The following COL25A1 variants were observed in gnomAD, a reference collection of about 807,000 sequenced individuals.
COL25A1 encodes collagen type XXV alpha 1 chain.
In COL25A1, 103 loss-of-function variants were observed where a neutral mutation model predicts 128.4. That is an observed-to-expected ratio of 0.80 (90% CI 0.68 to 0.94). The LOEUF (loss-of-function observed/expected upper bound fraction) is 0.94. Among genes scored for constraint, COL25A1 ranks in the 40% least tolerant of loss-of-function variants. COL25A1 has a pLI of 0.00. For synonymous variants in COL25A1, 279 were observed against 277.2 expected, an observed-to-expected ratio of 1.01 and a Z score of -0.06; for missense variants, 745 against 840.0, an observed-to-expected ratio of 0.89 and a Z score of 1.40.
chr4:109,104,114 T>C (rs1315145243), intron 3 of COL25A1, among the ~76,000 whole-genome samples: 1 of 152,158 alleles, frequency 6.6e-6, no homozygotes, highest in African/African-American at 2.4e-5. Flanking sequence ...AGCTCATGCT[T>C]GTAATTGCAA....
intron 3 of COL25A1, among the ~76,000 whole-genome samples, chr4:109,093,460 A>AAAAACAAAC (rs1553930997): frequency 2.8e-5 from 4 of 141,348 alleles, no homozygotes; most frequent in African/African-American, 8.8e-5. Context: ...TCTCTATGAA[A>AAAAACAAAC]AAAAAAAAAA....
At chr4:109,086,173 T>G (rs543393530) in intron 3 of COL25A1, among the ~76,000 whole-genome samples, 5 of 152,338 alleles carry the variant, frequency 3.3e-5, no homozygotes, top group African/African-American at 1.2e-4. Flanking sequence ...GAGTGTCACC[T>G]ATCAGAGTCA....
chr4:108,945,389 T>C (rs893190549), intron 8 of COL25A1, among the ~76,000 whole-genome samples: 2 of 152,186 alleles, frequency 1.3e-5, no homozygotes, highest in African/African-American at 4.8e-5. Flanking sequence ...AGTACAGGTG[T>C]TGACACCTTA....
intron 13 of COL25A1, among the ~76,000 whole-genome samples, chr4:108,912,463 CACTT>C (rs1560850552): frequency 2.0e-5 from 3 of 152,124 alleles, no homozygotes; most frequent in Non-Finnish European, 1.5e-5. Flanking sequence ...ATCAATCAAT[CACTT>C]AATTTAGTCT....
intron 5 of COL25A1, among the ~76,000 whole-genome samples, chr4:109,017,414 G>A (rs1526138): frequency 6.6e-6 from 1 of 152,194 alleles, no homozygotes; most frequent in East Asian, 1.9e-4. Flanking sequence ...AAGCAAAGGT[G>A]CCACTGGCCA....
rs1733586721 is a variant in COL25A1 at position 108,834,792 on chromosome 4, A to G, written c.1657-2359T>C. On this transcript the variant is annotated intron_variant, in intron 31 of 37. Transcript: ENST00000399132. ...GAAAAGAACGGTAATTTCCTAAAAAAGCGCTCATTATAATAATCAATCAAA... is the reference window on the plus strand; with the variant it reads ...GAAAAGAACGGTAATTTCCTAAAAAGGCGCTCATTATAATAATCAATCAAA... Among the ~76,000 whole-genome samples, 3 of 152,212 alleles carry G rather than the reference A, an allele frequency of 2.0e-5. No homozygotes were observed. In the South Asian group the frequency reaches 6.2e-4, roughly 32 times the overall value.
intron 11 of COL25A1, among the ~76,000 whole-genome samples, chr4:108,926,909 A>G (rs1746126275): frequency 6.6e-6 from 1 of 152,052 alleles, no homozygotes; most frequent in South Asian, 2.1e-4. Flanking sequence ...CTGTTGGGAA[A>G]TGTTTAGAAT....
At chr4:108,951,326 T>C (rs1157016276) in intron 8 of COL25A1, among the ~76,000 whole-genome samples, 1 of 151,936 alleles carries the variant, frequency 6.6e-6, no homozygotes, top group African/African-American at 2.4e-5. Flanking sequence ...ATCCTTCAAC[T>C]GCAGTTCCAA....
intron 3 of COL25A1, among the ~76,000 whole-genome samples, chr4:109,155,630 T>C (rs1771955263): frequency 6.6e-6 from 1 of 152,224 alleles, no homozygotes. Context: ...GATCATATCC[T>C]GTCATAGCTA....
intron 3 of COL25A1, among the ~76,000 whole-genome samples, chr4:109,192,695 T>C (rs1212320123): frequency 6.6e-6 from 1 of 151,558 alleles, no homozygotes; most frequent in Admixed American, 6.6e-5. Context: ...CTATTAAAAT[T>C]ACAAAAAAAT....
At chr4:109,137,362 A>G (rs1769889190) in intron 3 of COL25A1, among the ~76,000 whole-genome samples, 1 of 152,222 alleles carries the variant, frequency 6.6e-6, no homozygotes, top group Non-Finnish European at 1.5e-5. Context: ...TCTAGTTCTA[A>G]AGTTCAATAT....
chr4:108,813,226 G>A lies in COL25A1; in HGVS notation c.*701C>T, dbSNP rs1375781117. 6 of 152,212 alleles carry A rather than the reference G, an allele frequency of 3.9e-5. No homozygotes were observed. The highest frequency in any genetic ancestry group is 1.4e-4 in the African/African-American group (6 of 41,464). 9.4% of individuals were successfully genotyped at this position (152,212 alleles called of 1,614,324 possible). On this transcript the variant is annotated 3_prime_UTR_variant, in exon 38 of 38. Coordinates refer to ENST00000399132, the MANE Select transcript of COL25A1 (RefSeq NM_198721.4). ...TGAGCCCACAATACTGGAAGCTGTA[G>A]ATCTGCAGTCAGGACTGCAACTCCC...
chr4:108,946,947 C>T (rs1748830594), intron 8 of COL25A1, among the ~76,000 whole-genome samples: 1 of 152,010 alleles, frequency 6.6e-6, no homozygotes, highest in Non-Finnish European at 1.5e-5. Context: ...TGTAACTTGG[C>T]TGATAATATA....
At position 108,917,710 on chromosome 4, in the gene COL25A1, C is replaced by A. The variant is rs186704899; in HGVS notation, c.780+462G>T. Among the ~76,000 whole-genome samples the A allele has an allele frequency of 5.3e-5, 8 of 152,316 alleles. No homozygotes were observed. In the East Asian group the frequency reaches 1.5e-3, roughly 29 times the overall value. ...GCGGGACAAATCTATTTAACTTCTACTTTTGATTAACAGTGAAAAGAGCTA... is the reference window on the plus strand; with the variant it reads ...GCGGGACAAATCTATTTAACTTCTAATTTTGATTAACAGTGAAAAGAGCTA... On this transcript the variant is annotated intron_variant, in intron 13 of 37. Coordinates refer to ENST00000399132, the MANE Select transcript of COL25A1 (RefSeq NM_198721.4).
At chr4:109,275,316 C>A (rs555237541) in intron 3 of COL25A1, among the ~76,000 whole-genome samples, 2 of 152,264 alleles carry the variant, frequency 1.3e-5, no homozygotes, top group South Asian at 4.1e-4. Context: ...CCTCTTCTCA[C>A]GAGCCATTAT....
intron 3 of COL25A1, among the ~76,000 whole-genome samples, chr4:109,089,854 C>T (rs1764742554): frequency 6.6e-6 from 1 of 152,086 alleles, no homozygotes; most frequent in African/African-American, 2.4e-5. Flanking sequence ...ATCTGCCTGA[C>T]TCGGCTTCCA....
intron 3 of COL25A1, among the ~76,000 whole-genome samples, chr4:109,166,530 A>ATCTACTGTGAC (rs2126125987): frequency 6.6e-6 from 1 of 152,332 alleles, no homozygotes; most frequent in South Asian, 2.1e-4. Context: ...AAAACAAGCC[A>ATCTACTGTGAC]TCTACTGTGA....
chr4:108,844,690 G>A, intron 29 of COL25A1, 121 bp from the exon 30 acceptor site: 1 of 1,337,630 alleles, frequency 7.5e-7, no homozygotes, highest in Non-Finnish European at 1.0e-6. Context: ...AAAGATACTA[G>A]AATAAGTGAT....
chr4:109,010,094 T>C (rs1012668866), intron 6 of COL25A1, among the ~76,000 whole-genome samples: 2 of 152,232 alleles, frequency 1.3e-5, no homozygotes, highest in African/African-American at 4.8e-5. Flanking sequence ...ATTACAGTCC[T>C]GTGGCACTGT....
Sources: allele counts gnomAD v4.1 joint callset (sites outside exome capture counted in the v4.1 genomes callset), GRCh38; gene constraint gnomAD v4.1.1; transcripts MANE v1.5; gene names NCBI Gene and HGNC (gene_info 2026-07-23, HGNC 2026-07-21).